Variants in NPHS1 observed in about 807,000 individuals in gnomAD.
NPHS1 encodes nephrin.
Under a neutral mutation model 139.7 loss-of-function variants are expected in NPHS1, and 107 were observed. That is an observed-to-expected ratio of 0.77 (90% confidence interval 0.66 to 0.90). The LOEUF is 0.90. NPHS1 is among the 40% of genes least tolerant of loss of function. The pLI, the probability that NPHS1 is intolerant of heterozygous loss-of-function variation, is 0.00. For synonymous variants in NPHS1, 707 were observed against 706.6 expected, an observed-to-expected ratio of 1.00 and a Z score of -0.01; for missense variants, 1,580 against 1,654.2, an observed-to-expected ratio of 0.96 and a Z score of 0.78.
chr19:35,833,722 G>A (rs1030487141), intron 23 of NPHS1, among the ~76,000 whole-genome samples: 1 of 151,864 alleles, frequency 6.6e-6, no homozygotes, highest in Non-Finnish European at 1.5e-5. Flanking sequence ...TTGAGACAGG[G>A]TCTCAACTCT....
In NPHS1 at chr19:35,851,374, G is replaced by A. The variant is rs1285647582; in HGVS notation, c.285C>T (p.His95=). The change falls in exon 3 of 29, where the codon CAC becomes CAT. Residue 95 remains histidine, a synonymous_variant. Coordinates refer to ENST00000378910, the MANE Select transcript of NPHS1 (RefSeq NM_004646.4). ...TGAGGTCACAGGCCTCGATGTGCAG[G>A]TGGAATTCACCTGCAGGGGGAGCCG... The part of the protein sequence containing the change: ...LEGDPARGEF[H]LHIEACDLSD... 6 of 1,613,134 alleles carry A rather than the reference G, an allele frequency of 3.7e-6. No homozygotes were observed. Among genetic ancestry groups the A allele is most frequent in the South Asian group, 2.2e-5 (2 of 90,980 alleles).
Position 35,831,759 on chromosome 19 carries a change from G to A in NPHS1, c.3170C>T (p.Pro1057Leu), listed in dbSNP as rs776316800. The A allele has an allele frequency of 1.9e-6, 3 of 1,565,700 alleles. No individual in the cohort carries two copies. In the East Asian group the frequency reaches 7.1e-5, roughly 37 times the overall value. The change falls in exon 24 of 29, where the codon CCC (proline) becomes CTC (leucine). Residue 1057 changes from proline (P) to leucine (L), a missense_variant. Transcript: ENST00000378910. ...DQLPTEPPSGPSGLPLLPVLF... is the reference protein window; with the variant it reads ...DQLPTEPPSGLSGLPLLPVLF... ...CACAGGCAGCAGGGGCAGCCCCGAG[G>A]GTCCTAGGGGTGGAAGATACCCCTC...
intron 17 of NPHS1, among the ~76,000 whole-genome samples, chr19:35,842,860 G>T (rs1262063963): frequency 6.6e-6 from 1 of 151,360 alleles, no homozygotes; most frequent in Non-Finnish European, 1.5e-5. Context: ...CCACTCATCG[G>T]TTCACTCACT....
At chr19:35,844,280 C>T in intron 15 of NPHS1, 37 bp from the exon 16 acceptor site, 1 of 1,613,896 alleles carries the variant, frequency 6.2e-7, no homozygotes, top group Non-Finnish European at 8.5e-7. Flanking sequence ...GGCAGGACCT[C>T]CCATCCCCGG....
chr19:35,843,384 G>A (rs1407987311), intron 17 of NPHS1, 88 bp downstream of exon 17: 5 of 1,483,844 alleles, frequency 3.4e-6, no homozygotes, highest in East Asian at 2.3e-5. Flanking sequence ...TCATACAGAT[G>A]TATGTGGTCC....
Position 35,846,117 on chromosome 19 carries a change from C to G in NPHS1, c.1518G>C (p.Gly506=), listed in dbSNP as rs201817433. 172 of 1,597,844 alleles carry G rather than the reference C, an allele frequency of 1.1e-4. No homozygotes were observed. Among genetic ancestry groups the G allele is most frequent in the Non-Finnish European group, 6.8e-6 (8 of 1,173,200 alleles). Residue 506 remains glycine (G), a synonymous_variant, in exon 12 of 29, where the codon GGG becomes GGC. Coordinates refer to ENST00000378910, the MANE Select transcript of NPHS1 (RefSeq NM_004646.4). Reference sequence around the variant, plus strand: ...GCACCAGCTCTCGGGAGAAGGTGCTCCCAGATTTCTCCACGCTGCCGAGAT... The same window carrying G: ...GCACCAGCTCTCGGGAGAAGGTGCTGCCAGATTTCTCCACGCTGCCGAGAT... ...RVHLGSVEKS[G]STFSRELVLV...
In NPHS1 at chr19:35,842,512, C is replaced by T. The variant is rs749523901; in HGVS notation, c.2373G>A (p.Glu791=). Residue 791 remains glutamate, a synonymous_variant, in exon 18 of 29, where the codon GAG becomes GAA. Coordinates refer to ENST00000378910, the MANE Select transcript of NPHS1 (RefSeq NM_004646.4). ...DEEDQSLDDM[E]KISRGPTGRL... is the part of the protein sequence containing the mutation. ...GCCCCGTTGGTCCCCTGGATATCTT[C>T]TCCATGTCATCCAGGCTCTGGTCCT... 1 of 1,614,142 alleles carries T rather than the reference C, an allele frequency of 6.2e-7. No homozygotes were observed. Among genetic ancestry groups the T allele is most frequent in the Admixed American group, 1.7e-5 (1 of 60,010 alleles).
rs1339898496 is a variant in NPHS1, at chr19:35,841,705, C to G, written c.2815+10G>C. On this transcript the variant is annotated intron_variant, in intron 20 of 28. Coordinates refer to ENST00000378910, the MANE Select transcript of NPHS1 (RefSeq NM_004646.4). ...ACCCCCTCCCCAACACCCTCACAGC[C>G]CCTCCATACTGATGCTGACAAGTTG... 1 of 1,613,990 alleles carries G rather than the reference C, an allele frequency of 6.2e-7. No individual in the cohort carries two copies. The highest frequency in any genetic ancestry group is 1.7e-5 in the Admixed American group (1 of 59,992).
chr19:35,826,964 T>C (rs1040881979), intron 28 of NPHS1, among the ~76,000 whole-genome samples: 2 of 152,008 alleles, frequency 1.3e-5, no homozygotes, highest in Admixed American at 1.3e-4. Flanking sequence ...AGTGAGATCC[T>C]GTATCTACAA....
At position 35,826,434 on chromosome 19, in the gene NPHS1, A is replaced by C; in HGVS notation, c.*80T>G. On this transcript the variant is annotated 3_prime_UTR_variant, in exon 29 of 29. Transcript: ENST00000378910. The stretch of plus-strand genomic sequence containing the variant: ...TGGGTTTTATGGAGCTCACCTAACC[A>C]GCTCGGCCCAGGCTGTAATGAGAGA... 6.4e-7 allele frequency: 1 copy of C among 1,570,198 alleles called. No homozygotes were observed. Among genetic ancestry groups the C allele is most frequent in the Non-Finnish European group, 8.8e-7 (1 of 1,142,458 alleles).
At chr19:35,841,999 C>G (rs1243473419) in intron 19 of NPHS1, 125 bp downstream of exon 19, 3 of 1,399,632 alleles carry the variant, frequency 2.1e-6, no homozygotes, top group Non-Finnish European at 3.0e-6. Context: ...TTCATCCACT[C>G]AACCATTCAC....
chr19:35,826,722 C>T, intron 28 of NPHS1, 77 bp from the exon 29 acceptor site: 1 of 1,525,250 alleles, frequency 6.6e-7, no homozygotes. Context: ...GGGATACATG[C>T]CCCTGCTTAA....
At chr19:35,850,044 G>T (rs558083225) in intron 5 of NPHS1, among the ~76,000 whole-genome samples, 1 of 152,220 alleles carries the variant, frequency 6.6e-6, no homozygotes, top group East Asian at 1.9e-4. Context: ...GCCCCCTGAG[G>T]AGCTGGGAGT....
At chr19:35,837,892 GT>G (rs1349877909) in intron 22 of NPHS1, among the ~76,000 whole-genome samples, 2 of 132,872 alleles carry the variant, frequency 1.5e-5, no homozygotes, top group Non-Finnish European at 3.1e-5. Context: ...ATGAGCCACA[GT>G]TTCTTAAGAT....
intron 17 of NPHS1, 148 bp downstream of exon 17, chr19:35,843,324 A>G (rs527707427): frequency 3.9e-6 from 4 of 1,035,054 alleles, no homozygotes; most frequent in African/African-American, 3.2e-5. Flanking sequence ...TTTGCCACCA[A>G]CAGTTATTCA....
rs1177019134 is a variant in NPHS1, at chr19:35,843,690, A to G, written c.2213-97T>C. 10 of 1,511,902 alleles carry G rather than the reference A, an allele frequency of 6.6e-6. No homozygotes were observed. The East Asian group carries it at 2.3e-4, about 35-fold the overall frequency. 93.7% of individuals were successfully genotyped at this position (1,511,902 alleles called of 1,614,324 possible). Reference sequence around the variant, plus strand: ...GGAGGGATGTCTTAGGGGTTCCAGGAAAGTTATGGGTGTGGACACAATCTG... The same window carrying G: ...GGAGGGATGTCTTAGGGGTTCCAGGGAAGTTATGGGTGTGGACACAATCTG... On this transcript the variant is annotated intron_variant, in intron 16 of 28. Coordinates refer to ENST00000378910, the MANE Select transcript of NPHS1 (RefSeq NM_004646.4).
rs1304508551 is a variant in NPHS1 at position 35,849,607 on chromosome 19, C to A, written c.655G>T (p.Ala219Ser). 6.2e-7 allele frequency: 1 copy of A among 1,614,060 alleles called. No individual in the cohort carries two copies. The highest frequency in any genetic ancestry group is 1.1e-5 in the South Asian group (1 of 91,072). The change falls in exon 6 of 29, where the codon GCG (alanine) becomes TCG (serine). Residue 219 changes from alanine to serine, a missense_variant. Transcript: ENST00000378910. ...GGGGCCTCCAGTGCTGGGCTAGACG[C>A]CTCACAGACCAGCAACTGCCTATTA... ...SDNRQLLVCEASSPALEAPIK... is the reference protein window; with the variant it reads ...SDNRQLLVCESSSPALEAPIK...
Position 35,843,517 on chromosome 19 carries a change from G to A in NPHS1, c.2289C>T (p.Val763=), listed in dbSNP as rs437168. The change falls in exon 17 of 29, where the codon GTC becomes GTT. Residue 763 remains valine (V), a synonymous_variant. Coordinates refer to ENST00000378910, the MANE Select transcript of NPHS1 (RefSeq NM_004646.4). The part of the protein sequence containing the change: ...VGGSVDIVCT[V]DANPILPGMF... ...TGCCCGGGAGGATGGGATTGGCATC[G>A]ACAGTGCAGACTATGTCCACAGAAC... 0.063 allele frequency: 102,431 copies of A among 1,613,890 alleles called. 10,206 individuals carry two copies. The highest frequency in any genetic ancestry group is 0.46 in the African/African-American group (34,524 of 74,926).
rs200813102 is a variant in NPHS1 at position 35,826,615 on chromosome 19, T to C, written c.3625A>G (p.Thr1209Ala). The change falls in exon 29 of 29, where the codon ACA (threonine) becomes GCA (alanine). Residue 1209 changes from threonine (T) to alanine (A), a missense_variant. Transcript: ENST00000378910. Reference protein sequence around the residue: ...GPWDLHWPEDTYQDPRGIYDQ... With the variant: ...GPWDLHWPEDAYQDPRGIYDQ... Reference sequence around the variant, plus strand: ...TAGATTCCTCTTGGATCCTGATATGTGTCTTCAGGCCAGTGGAGGTCCCAG... The same window carrying C: ...TAGATTCCTCTTGGATCCTGATATGCGTCTTCAGGCCAGTGGAGGTCCCAG... 6.2e-6 allele frequency: 10 copies of C among 1,614,060 alleles called. No homozygotes were observed. Among genetic ancestry groups the C allele is most frequent in the Non-Finnish European group, 8.5e-7 (1 of 1,179,990 alleles).
Sources: gnomAD v4.1 joint callset for allele counts (sites outside exome capture counted in the v4.1 genomes callset) on GRCh38, gnomAD v4.1.1 for gene constraint, MANE v1.5 for transcripts, NCBI Gene and HGNC (gene_info 2026-07-23, HGNC 2026-07-21) for gene names.